The following KCNMA1 variants were observed in gnomAD, a reference collection of about 807,000 sequenced individuals.
KCNMA1 encodes the protein potassium calcium-activated channel subfamily M alpha 1, also known as Calcium-activated potassium channel subunit alpha-1.
KCNMA1 carries 29 observed loss-of-function variants against 140.0 expected under a neutral mutation model. The observed-to-expected ratio is 0.21, with a 90% CI of 0.15 to 0.28. The LOEUF is 0.28. Among genes scored for constraint, KCNMA1 ranks in the 10% least tolerant of loss-of-function variants. KCNMA1 has a pLI of 1.00. For missense variants in KCNMA1, 880 were observed against 1,602.2 expected (o/e 0.55, Z 7.70); for synonymous variants, 612 against 611.9 (o/e 1.00, Z 0.00).
chr10:76,947,740 T>C (rs1252780092), intron 22 of KCNMA1, among the ~76,000 whole-genome samples: 1 of 152,210 alleles, frequency 6.6e-6, no homozygotes, highest in Admixed American at 6.5e-5. Context: ...CCGATCTTTT[T>C]CTCACTCCTT....
intron 14 of KCNMA1, among the ~76,000 whole-genome samples, chr10:77,051,689 G>C (rs752533669): frequency 6.6e-6 from 1 of 152,152 alleles, no homozygotes; most frequent in Admixed American, 6.6e-5. Flanking sequence ...GTACAGCAGG[G>C]AAGTGCCTAA....
intron 2 of KCNMA1, among the ~76,000 whole-genome samples, chr10:77,371,828 G>C (rs2094743395): frequency 6.6e-6 from 1 of 152,106 alleles, no homozygotes; most frequent in Non-Finnish European, 1.5e-5. Context: ...GGCTCTGCTG[G>C]GAGCAATTCC....
chr10:77,007,722 G>A (rs1448844267), intron 18 of KCNMA1, among the ~76,000 whole-genome samples: 2 of 138,752 alleles, frequency 1.4e-5, no homozygotes, highest in Non-Finnish European at 3.1e-5. Context: ...GTTTCCTTTA[G>A]GAGAGGAATC....
At chr10:77,558,920 T>C (rs1603636328) in intron 1 of KCNMA1, among the ~76,000 whole-genome samples, 1 of 152,330 alleles carries the variant, frequency 6.6e-6, no homozygotes, top group Non-Finnish European at 1.5e-5. Flanking sequence ...TTCTTTAAAG[T>C]GGTCACCGAC....
chr10:77,469,063 T>A (rs903461625), intron 1 of KCNMA1, among the ~76,000 whole-genome samples: 1 of 152,172 alleles, frequency 6.6e-6, no homozygotes, highest in African/African-American at 2.4e-5. Context: ...GTTGAATGGT[T>A]TGAGTCCCAA....
intron 1 of KCNMA1, among the ~76,000 whole-genome samples, chr10:77,480,341 A>C (rs968684846): frequency 1.3e-5 from 2 of 152,184 alleles, no homozygotes; most frequent in African/African-American, 4.8e-5. Context: ...AGTCTGGCAC[A>C]GTGACCCAGG....
At chr10:76,960,453 T>C (rs1865023) in intron 20 of KCNMA1, among the ~76,000 whole-genome samples, 120,356 of 151,372 alleles carry the variant, frequency 0.8, 48,094 homozygotes, top group East Asian at 0.96. Context: ...GCACGAGAAT[T>C]ACTTGAACCC....
chr10:77,255,192 T>C (rs1340146414), intron 2 of KCNMA1, among the ~76,000 whole-genome samples: 1 of 152,180 alleles, frequency 6.6e-6, no homozygotes, highest in Non-Finnish European at 1.5e-5. Flanking sequence ...ACAAAAGCAA[T>C]TTGATAAATG....
intron 18 of KCNMA1, among the ~76,000 whole-genome samples, chr10:77,004,492 T>C (rs1289147739): frequency 6.6e-6 from 1 of 152,160 alleles, no homozygotes; most frequent in Non-Finnish European, 1.5e-5. Context: ...ACCTCCCATC[T>C]GGTGGAGCGA....
chr10:76,917,765 A>G (rs549521849), intron 23 of KCNMA1, among the ~76,000 whole-genome samples: 95 of 152,352 alleles, frequency 6.2e-4, no homozygotes, highest in Middle Eastern at 3.4e-3. Context: ...GGCAACAATA[A>G]CAGCAAAGTT....
chr10:76,937,821 G>A (rs2060942733), intron 23 of KCNMA1, among the ~76,000 whole-genome samples: 1 of 152,168 alleles, frequency 6.6e-6, no homozygotes, highest in East Asian at 1.9e-4. Flanking sequence ...TGTGGAGAAA[G>A]GAGGGTGTCC....
chr10:77,221,314 C>A (rs1354915438), intron 3 of KCNMA1, among the ~76,000 whole-genome samples: 1 of 152,068 alleles, frequency 6.6e-6, no homozygotes, highest in Non-Finnish European at 1.5e-5. Context: ...TCCCAAGACC[C>A]TAATTAGCTT....
intron 2 of KCNMA1, among the ~76,000 whole-genome samples, chr10:77,400,013 G>A (rs770108874): frequency 6.6e-6 from 1 of 152,182 alleles, no homozygotes; most frequent in African/African-American, 2.4e-5. Context: ...AAGCTCCTGA[G>A]CGTGCATCAA....
At chr10:76,967,742 C>G (rs1486042073) in intron 20 of KCNMA1, among the ~76,000 whole-genome samples, 2 of 152,150 alleles carry the variant, frequency 1.3e-5, no homozygotes, top group Admixed American at 1.3e-4. Context: ...GGAACTGAGG[C>G]CTTAGCAGCA....
At chr10:77,150,449 G>A (rs1016833617) in intron 5 of KCNMA1, among the ~76,000 whole-genome samples, 1 of 152,190 alleles carries the variant, frequency 6.6e-6, no homozygotes, top group African/African-American at 2.4e-5. Context: ...TCATCAATAA[G>A]TCACCACATC....
chr10:76,954,269 GCACA>G (rs10663230), intron 20 of KCNMA1, among the ~76,000 whole-genome samples: 9 of 141,090 alleles, frequency 6.4e-5, no homozygotes, highest in East Asian at 5.0e-4. Context: ...TCCCCAGCGT[GCACA>G]CACACACACA....
At chr10:77,010,367 A>G (rs764716295) in intron 18 of KCNMA1, among the ~76,000 whole-genome samples, 2 of 151,656 alleles carry the variant, frequency 1.3e-5, no homozygotes, top group Non-Finnish European at 2.9e-5. Flanking sequence ...CTTTGGATTC[A>G]TGGGGTCTGT....
intron 5 of KCNMA1, among the ~76,000 whole-genome samples, chr10:77,168,223 G>A (rs2098665190): frequency 1.3e-5 from 2 of 152,186 alleles, no homozygotes; most frequent in African/African-American, 4.8e-5. Flanking sequence ...CATACAGCAA[G>A]TAAGACAGGT....
chr10:77,461,267 C>T (rs141786780), intron 1 of KCNMA1, among the ~76,000 whole-genome samples: 2 of 151,970 alleles, frequency 1.3e-5, no homozygotes, highest in East Asian at 3.9e-4. Context: ...CTGGACCCTC[C>T]CTCTTTTCTT....
Sources: gnomAD v4.1 joint callset for allele counts (sites outside exome capture counted in the v4.1 genomes callset) on GRCh38, gnomAD v4.1.1 for gene constraint, MANE v1.5 for transcripts, NCBI Gene and HGNC (gene_info 2026-07-23, HGNC 2026-07-21) for gene names.